Variants in CSMD1 observed in about 807,000 individuals in gnomAD.
CSMD1 encodes the protein CUB and Sushi multiple domains 1.
A neutral mutation model predicts 417.5 loss-of-function variants in CSMD1; 213 were observed. The observed-to-expected ratio is 0.51, with a 90% CI of 0.46 to 0.57. The LOEUF (loss-of-function observed/expected upper bound fraction) is 0.57. Ranked by LOEUF, CSMD1 falls within the 20% of genes least tolerant of loss-of-function variation. CSMD1 has a pLI of 0.00. For missense variants in CSMD1, 6,923 were observed against 4,529.7 expected, an observed-to-expected ratio of 1.53 and a Z score of -15.17; for synonymous variants, 2,862 against 1,736.8, an observed-to-expected ratio of 1.65 and a Z score of -16.11.
At position 3,881,524 on chromosome 8, in the gene CSMD1, C is replaced by G. The variant is rs553228428; in HGVS notation, c.818+116379G>C. On this transcript the variant is annotated intron_variant, in intron 5 of 69. Transcript: ENST00000635120. ...TAGTGGTGGGTGCCTGTAATCTCAG[C>G]TACTCAGGAGGCTGAGGTTGCATTG... 1.9e-4 allele frequency among the ~76,000 whole-genome samples: 28 copies of G among 149,736 alleles called. 1 individual carries two copies. In the South Asian group the frequency reaches 5.9e-3, roughly 32 times the overall value.
At chr8:3,003,474 A>C (rs1231749601) in intron 52 of CSMD1, among the ~76,000 whole-genome samples, 1 of 152,162 alleles carries the variant, frequency 6.6e-6, no homozygotes, top group African/African-American at 2.4e-5. Flanking sequence ...CACACTGAGT[A>C]CTTGTTGAAA....
At chr8:3,587,314 T>A (rs13266061) in intron 8 of CSMD1, among the ~76,000 whole-genome samples, 19 of 152,050 alleles carry the variant, frequency 1.2e-4, no homozygotes, top group Middle Eastern at 3.2e-3. Context: ...GCTTCTGGCA[T>A]TGAATTAAAT....
intron 5 of CSMD1, among the ~76,000 whole-genome samples, chr8:3,971,713 A>C (rs991489819): frequency 2.0e-5 from 3 of 152,186 alleles, no homozygotes; most frequent in African/African-American, 7.2e-5. Flanking sequence ...AGCCTCTTCC[A>C]GTGAGTTTCT....
intron 10 of CSMD1, among the ~76,000 whole-genome samples, chr8:3,494,810 C>T (rs752837216): frequency 1.3e-5 from 2 of 152,124 alleles, no homozygotes; most frequent in African/African-American, 2.4e-5. Context: ...TTTTAATAAA[C>T]TGTGTTTTAG....
chr8:3,881,625 AAAACAAAAAC>A (rs1806211699), intron 5 of CSMD1, among the ~76,000 whole-genome samples: 2 of 138,418 alleles, frequency 1.4e-5, no homozygotes, highest in East Asian at 2.1e-4. Context: ...AAAAAAAACA[AAAACAAAAAC>A]AAACAAACAA....
chr8:3,293,753 C>G (rs1305696863), intron 25 of CSMD1, among the ~76,000 whole-genome samples: 2 of 152,288 alleles, frequency 1.3e-5, no homozygotes, highest in African/African-American at 4.8e-5. Context: ...AGGTTTTTAA[C>G]TTCTTTGCCA....
chr8:4,929,599 C>G (rs1234451779), intron 1 of CSMD1, among the ~76,000 whole-genome samples: 3 of 152,192 alleles, frequency 2.0e-5, no homozygotes, highest in African/African-American at 7.2e-5. Flanking sequence ...GTCCATTTGT[C>G]TACAAATGAT....
intron 3 of CSMD1, among the ~76,000 whole-genome samples, chr8:4,115,509 T>A (rs1304423525): frequency 6.6e-6 from 1 of 152,166 alleles, no homozygotes; most frequent in Non-Finnish European, 1.5e-5. Context: ...AAAATTATCT[T>A]GAAAAAACGT....
At position 3,030,425 on chromosome 8, in the gene CSMD1, G is replaced by C. The variant is rs543691115; in HGVS notation, c.7661-912C>G. 5.9e-5 allele frequency among the ~76,000 whole-genome samples: 9 copies of C among 151,612 alleles called. No homozygotes were observed. The South Asian group carries it at 1.9e-3, about 32-fold the overall frequency. On this transcript the variant is annotated intron_variant, in intron 50 of 69. Coordinates refer to ENST00000635120, the MANE Select transcript of CSMD1 (RefSeq NM_033225.6). The stretch of plus-strand genomic sequence containing the variant: ...TTATTGAGCTGGGAAGAATTAACTG[G>C]AGAGACTATAGCTATTTTCAGAATC...
At chr8:4,198,153 A>G (rs1461560736) in intron 3 of CSMD1, among the ~76,000 whole-genome samples, 2 of 152,234 alleles carry the variant, frequency 1.3e-5, no homozygotes, top group Non-Finnish European at 2.9e-5. Flanking sequence ...AATGATGATC[A>G]GCAGTCCCGA....
chr8:4,607,531 T>G (rs976423593), intron 2 of CSMD1, among the ~76,000 whole-genome samples: 2 of 152,140 alleles, frequency 1.3e-5, no homozygotes, highest in Non-Finnish European at 2.9e-5. Context: ...TTCAACATGG[T>G]GCTGAATTTG....
intron 5 of CSMD1, among the ~76,000 whole-genome samples, chr8:3,879,475 C>T (rs1038272918): frequency 3.9e-5 from 6 of 152,060 alleles, no homozygotes; most frequent in African/African-American, 1.4e-4. Flanking sequence ...TCTCGTTTTG[C>T]TTAGAAATGG....
intron 3 of CSMD1, among the ~76,000 whole-genome samples, chr8:4,187,415 G>C (rs1251733722): frequency 6.6e-6 from 1 of 152,102 alleles, no homozygotes; most frequent in South Asian, 2.1e-4. Flanking sequence ...GGGAGGCCAA[G>C]GCAGGCAGAT....
At chr8:4,534,184 G>A (rs147180419) in intron 2 of CSMD1, among the ~76,000 whole-genome samples, 1 of 152,234 alleles carries the variant, frequency 6.6e-6, no homozygotes, top group African/African-American at 2.4e-5. Context: ...ATTCGCTAGG[G>A]AGCACAATTT....
rs202042222 is a variant in CSMD1 at position 3,633,636 on chromosome 8, G to C, written c.1010-16839C>G. Among the ~76,000 whole-genome samples the C allele has an allele frequency of 2.2e-4, 34 of 152,210 alleles. No homozygotes were observed. The East Asian group carries it at 5.4e-3, about 24-fold the overall frequency. Reference sequence around the variant, plus strand: ...ATTAATATTTCCTAATTTAAAAAATGTTAATGACATATTTTTCAATCTTAA... The same window carrying C: ...ATTAATATTTCCTAATTTAAAAAATCTTAATGACATATTTTTCAATCTTAA... On this transcript the variant is annotated intron_variant, in intron 7 of 69. Transcript: ENST00000635120.
intron 10 of CSMD1, among the ~76,000 whole-genome samples, chr8:3,511,284 A>T (rs1381909901): frequency 6.6e-6 from 1 of 151,750 alleles, no homozygotes. Flanking sequence ...AATGTAGATG[A>T]CAGGTTGATG....
chr8:3,274,412 G>C (rs1396563043), intron 26 of CSMD1, among the ~76,000 whole-genome samples: 4 of 152,152 alleles, frequency 2.6e-5, no homozygotes, highest in Non-Finnish European at 4.4e-5. Context: ...CTGTTGATTT[G>C]GGGTGGAGAG....
chr8:3,867,071 C>A (rs958354650), intron 5 of CSMD1, among the ~76,000 whole-genome samples: 3 of 152,114 alleles, frequency 2.0e-5, no homozygotes, highest in Admixed American at 6.6e-5. Context: ...ACTTTTCCAA[C>A]CAGTTTTTTA....
chr8:4,358,031 TAC>T (rs1801529761), intron 3 of CSMD1, among the ~76,000 whole-genome samples: 1 of 152,304 alleles, frequency 6.6e-6, no homozygotes, highest in East Asian at 1.9e-4. Flanking sequence ...TCCTGAGGAA[TAC>T]ACAGTAGCTG....
Sources: allele counts gnomAD v4.1 joint callset (sites outside exome capture counted in the v4.1 genomes callset), GRCh38; gene constraint gnomAD v4.1.1; transcripts MANE v1.5; gene names NCBI Gene and HGNC (gene_info 2026-07-23, HGNC 2026-07-21).